The following HDLBP variants were observed in gnomAD, a reference collection of about 807,000 sequenced individuals.
HDLBP encodes vigilin.
In HDLBP, 30 loss-of-function variants were observed where a neutral mutation model predicts 137.3. That is an observed-to-expected ratio of 0.22 (90% CI 0.16 to 0.30). The LOEUF (loss-of-function observed/expected upper bound fraction) is 0.30, where lower values mean the gene tolerates loss of function less well. Ranked by LOEUF, HDLBP falls within the 10% of genes least tolerant of loss-of-function variation. HDLBP has a pLI of 1.00. For missense variants in HDLBP, 1,119 were observed against 1,667.3 expected, an observed-to-expected ratio of 0.67 and a Z score of 5.73; for synonymous variants, 606 against 596.0, an observed-to-expected ratio of 1.02 and a Z score of -0.24.
intron 11 of HDLBP, 153 bp from the exon 12 acceptor site, chr2:241,250,133 A>C: frequency 2.9e-6 from 2 of 685,558 alleles, no homozygotes; most frequent in African/African-American, 1.8e-5. Flanking sequence ...AAAAATCTCC[A>C]TTGTCTAGAA....
rs1234690705 is a variant in HDLBP at position 241,242,472 on chromosome 2, C to T, written c.2157G>A (p.Leu719=). Residue 719 remains leucine, a synonymous_variant, in exon 17 of 28, where the codon CTG becomes CTA. Transcript: ENST00000310931. ...TCCCCATGCTCACCTTCTCCTCCGC[C>T]AGATGCAGGAGCTGCTTCTTGGCCT... The part of the protein sequence containing the change: ...VEKAKKQLLH[L]AEEKQTKSFT... The T allele has an allele frequency of 6.2e-7, 1 of 1,613,712 alleles. No individual in the cohort carries two copies. The highest frequency in any genetic ancestry group is 1.3e-5 in the African/African-American group (1 of 74,932).
intron 11 of HDLBP, chr2:241,250,523 C>T (rs1255476358): frequency 1.3e-5 from 2 of 152,688 alleles, no homozygotes; most frequent in East Asian, 1.9e-4. Flanking sequence ...TGTTGCAAAC[C>T]CTCCTGCTGT....
rs114098057 is a variant in HDLBP, at chr2:241,261,271, G to C, written c.450+1440C>G. On this transcript the variant is annotated intron_variant, in intron 5 of 27. Transcript: ENST00000310931. ...GAGAGACAGGACTCTATAATCAAAT[G>C]CAACATTGTGACCTTGTTTGGACAC... Among the ~76,000 whole-genome samples, 506 of 151,250 alleles carry C rather than the reference G, an allele frequency of 3.3e-3. 9 individuals carry two copies. Among genetic ancestry groups the C allele is most frequent in the South Asian group, 0.02 (95 of 4,798 alleles).
intron 8 of HDLBP, 68 bp from the exon 9 acceptor site, chr2:241,255,226 G>C: frequency 6.7e-7 from 1 of 1,494,886 alleles, no homozygotes; most frequent in Non-Finnish European, 9.3e-7. Flanking sequence ...AAGCCAGGCT[G>C]CTCACCTGGG....
chr2:241,255,762 ATT>A (rs1313648227), intron 7 of HDLBP, among the ~76,000 whole-genome samples, 182 bp from the exon 8 acceptor site: 1 of 152,290 alleles, frequency 6.6e-6, no homozygotes, highest in East Asian at 1.9e-4. Flanking sequence ...CAAGGACTGG[ATT>A]TTTCCCCTCA....
Position 241,266,629 on chromosome 2 carries a change from T to C in HDLBP, c.76+165A>G, listed in dbSNP as rs774690437. 2.3e-5 allele frequency: 14 copies of C among 606,630 alleles called. No individual in the cohort carries two copies. Among genetic ancestry groups the C allele is most frequent in the Non-Finnish European group, 4.1e-5 (14 of 337,568 alleles). The allele number at this position is 606,630 out of a possible 1,614,324, so 37.6% of individuals were successfully genotyped here. A position where few individuals can be genotyped will look rare whatever the true frequency, so the allele number is the denominator to read the frequency against. ...TTCCTCATGCCTGGCCAGTCGCCCC[T>C]GCACGCACAGCAATGCGAAAACAGT... On this transcript the variant is annotated intron_variant, in intron 3 of 27. Coordinates refer to ENST00000310931, the MANE Select transcript of HDLBP (RefSeq NM_005336.6).
chr2:241,306,737 A>G (rs995620989), intron 1 of HDLBP, among the ~76,000 whole-genome samples: 1 of 151,498 alleles, frequency 6.6e-6, no homozygotes, highest in African/African-American at 2.4e-5. Flanking sequence ...GCAAAACCCT[A>G]TCTCTACTAT....
intron 17 of HDLBP, among the ~76,000 whole-genome samples, chr2:241,241,768 A>G (rs541050189): frequency 6.6e-6 from 1 of 152,270 alleles, no homozygotes; most frequent in Admixed American, 6.5e-5. Context: ...AGATCTGTTA[A>G]GTCGAACATA....
At chr2:241,305,495 C>T (rs1439156700) in intron 1 of HDLBP, among the ~76,000 whole-genome samples, 1 of 152,154 alleles carries the variant, frequency 6.6e-6, no homozygotes, top group Non-Finnish European at 1.5e-5. Context: ...AAGGACTGAC[C>T]CTTTACAGCA....
intron 1 of HDLBP, among the ~76,000 whole-genome samples, chr2:241,288,168 C>G (rs2074893951): frequency 6.6e-6 from 1 of 152,222 alleles, no homozygotes; most frequent in Admixed American, 6.5e-5. Flanking sequence ...CAGTGAAAAA[C>G]AGAGTCACAA....
intron 23 of HDLBP, 62 bp downstream of exon 23, chr2:241,235,059 T>A: frequency 6.3e-7 from 1 of 1,582,668 alleles, no homozygotes; most frequent in Admixed American, 1.7e-5. Flanking sequence ...CCCTAGATTC[T>A]GACATGTGCC....
intron 14 of HDLBP, 146 bp downstream of exon 14, chr2:241,247,857 C>T: frequency 1.6e-6 from 1 of 621,344 alleles, no homozygotes; most frequent in Non-Finnish European, 2.9e-6. Context: ...ACCACTTTGT[C>T]CCAAGTCCCT....
At chr2:241,252,139 G>A (rs1344016970) in intron 11 of HDLBP, among the ~76,000 whole-genome samples, 1 of 152,158 alleles carries the variant, frequency 6.6e-6, no homozygotes, top group Non-Finnish European at 1.5e-5. Context: ...TCCTGTAACT[G>A]TGCTACACCT....
intron 1 of HDLBP, among the ~76,000 whole-genome samples, chr2:241,299,631 T>C (rs1332668509): frequency 6.6e-6 from 1 of 151,656 alleles, no homozygotes; most frequent in African/African-American, 2.4e-5. Flanking sequence ...AACCCAAATT[T>C]TGGGCGGGGC....
rs1332261182 is a variant in HDLBP, at chr2:241,242,442, C to T, written c.2169+18G>A. 5 of 1,606,632 alleles carry T rather than the reference C, an allele frequency of 3.1e-6. No individual in the cohort carries two copies. Among genetic ancestry groups the T allele is most frequent in the Non-Finnish European group, 4.3e-6 (5 of 1,174,124 alleles). The stretch of plus-strand genomic sequence containing the variant: ...ACCAGGCTTCCTGCCAAGAGTCACG[C>T]TCCCTCCCCATGCTCACCTTCTCCT... On this transcript the variant is annotated intron_variant, in intron 17 of 27. Coordinates refer to ENST00000310931, the MANE Select transcript of HDLBP (RefSeq NM_005336.6).
At chr2:241,271,705 C>T (rs139137219) in intron 1 of HDLBP, among the ~76,000 whole-genome samples, 26 of 152,326 alleles carry the variant, frequency 1.7e-4, no homozygotes, top group African/African-American at 6.0e-4. Context: ...CTTTAAAGCA[C>T]CAGACAGGAC....
intron 1 of HDLBP, among the ~76,000 whole-genome samples, chr2:241,276,086 T>C (rs1380417582): frequency 6.6e-6 from 1 of 151,798 alleles, no homozygotes; most frequent in Non-Finnish European, 1.5e-5. Flanking sequence ...CAAAATAAAA[T>C]AAAAGACAGA....
intron 1 of HDLBP, among the ~76,000 whole-genome samples, chr2:241,280,335 T>G: frequency 6.6e-6 from 1 of 152,198 alleles, no homozygotes; most frequent in East Asian, 1.9e-4. Flanking sequence ...TCACATGTAT[T>G]TACTGCTAAT....
At chr2:241,258,454 G>A (rs968204366) in intron 5 of HDLBP, among the ~76,000 whole-genome samples, 2 of 151,888 alleles carry the variant, frequency 1.3e-5, no homozygotes, top group Admixed American at 1.3e-4. Flanking sequence ...AGCCTAGGAG[G>A]TTGAGGCTCC....
Sources: gnomAD v4.1 joint callset for allele counts (sites outside exome capture counted in the v4.1 genomes callset) on GRCh38, gnomAD v4.1.1 for gene constraint, MANE v1.5 for transcripts, NCBI Gene and HGNC (gene_info 2026-07-23, HGNC 2026-07-21) for gene names.